The following RORC variants were observed in gnomAD, a reference collection of about 807,000 sequenced individuals.
RORC encodes the protein RAR related orphan receptor C, also known as nuclear receptor ROR-gamma.
A neutral mutation model predicts 64.5 loss-of-function variants in RORC; 13 were observed. That is an observed-to-expected ratio of 0.20 (90% CI 0.13 to 0.32). The LOEUF (loss-of-function observed/expected upper bound fraction) is 0.32, where lower values mean the gene tolerates loss of function less well. Ranked by LOEUF, RORC falls within the 10% of genes least tolerant of loss-of-function variation. The pLI, the probability that RORC is intolerant of heterozygous loss-of-function variation, is 1.00. For missense variants in RORC, 468 were observed against 669.5 expected (o/e 0.70, Z 3.32); for synonymous variants, 277 against 259.3 (o/e 1.07, Z -0.65).
intron 2 of RORC, chr1:151,826,067 C>T (rs201215365): frequency 1.5e-5 from 23 of 1,528,592 alleles, no homozygotes; most frequent in Middle Eastern, 1.9e-4. Context: ...AAGCTCTGCA[C>T]CTAGCTCTCT....
At chr1:151,828,978 CAAAA>C (rs371746426) in intron 2 of RORC, among the ~76,000 whole-genome samples, 181 of 130,722 alleles carry the variant, frequency 1.4e-3, no homozygotes, top group Non-Finnish European at 1.5e-3. Context: ...GACTCTGTCT[CAAAA>C]AAAAAAAAAA....
chr1:151,820,452 CCAT>C (rs1651944828), intron 2 of RORC, among the ~76,000 whole-genome samples: 1 of 152,052 alleles, frequency 6.6e-6, no homozygotes, highest in Non-Finnish European at 1.5e-5. Context: ...CAGGAACTTA[CCAT>C]CTAAGGGCCT....
At chr1:151,815,991 C>T (rs967468986) in intron 4 of RORC, among the ~76,000 whole-genome samples, 4 of 152,224 alleles carry the variant, frequency 2.6e-5, no homozygotes, top group Non-Finnish European at 5.9e-5. Context: ...CACAGCCCCT[C>T]GCCCCGCCTG....
intron 2 of RORC, among the ~76,000 whole-genome samples, chr1:151,820,649 A>T (rs1465322665): frequency 1.3e-5 from 2 of 152,116 alleles, no homozygotes; most frequent in Non-Finnish European, 2.9e-5. Flanking sequence ...AGAAAACTCC[A>T]ATTCCACATC....
chr1:151,815,361 C>T lies in RORC; in HGVS notation c.363G>A (p.Gln121=), dbSNP rs1181602619. 6.3e-7 allele frequency: 1 copy of T among 1,579,276 alleles called. No individual in the cohort carries two copies. Among genetic ancestry groups the T allele is most frequent in the African/African-American group, 1.4e-5 (1 of 73,468 alleles). Residue 121 remains glutamine (Q), a synonymous_variant, in exon 5 of 11, where the codon CAG becomes CAA. Coordinates refer to ENST00000318247, the MANE Select transcript of RORC (RefSeq NM_005060.4). ...RDSLHAEVQK[Q]LQQRQQQQQE... ...GTTGCTGCTGTTGCCGCTGCTGCAG[C>T]TGTTTCTGCACTTCTGCATGCAGGC... is the stretch of plus-strand genomic sequence containing the variant.
chr1:151,820,623 G>C (rs1209783308), intron 2 of RORC, among the ~76,000 whole-genome samples: 1 of 152,172 alleles, frequency 6.6e-6, no homozygotes, highest in Non-Finnish European at 1.5e-5. Flanking sequence ...TCTCCTGAGA[G>C]AGAGCTTTCT....
intron 9 of RORC, 151 bp from the exon 10 acceptor site, chr1:151,811,585 G>A: frequency 4.0e-6 from 2 of 506,080 alleles, no homozygotes; most frequent in Admixed American, 3.2e-5. Flanking sequence ...ATAATGGTAA[G>A]CTCTGGACGT....
At chr1:151,813,194 G>A (rs201273130) in intron 8 of RORC, 45 bp downstream of exon 8, 366 of 1,567,188 alleles carry the variant, frequency 2.3e-4, no homozygotes, top group Non-Finnish European at 2.6e-4. Flanking sequence ...GCTTTGCCTG[G>A]GGTTGGCATC....
chr1:151,810,006 C>T (rs915141065), intron 10 of RORC, among the ~76,000 whole-genome samples: 2 of 152,146 alleles, frequency 1.3e-5, no homozygotes, highest in African/African-American at 4.8e-5. Flanking sequence ...TGCTCTTCTG[C>T]CCCACCAGTC....
At chr1:151,813,653 C>T (rs758525546) in intron 6 of RORC, 33 bp from the exon 7 acceptor site, 2 of 1,611,588 alleles carry the variant, frequency 1.2e-6, no homozygotes, top group East Asian at 2.2e-5. Context: ...CGCTGTAGCG[C>T]TCTGTGTGGC....
chr1:151,809,181 C>T (rs1367090878), intron 10 of RORC, among the ~76,000 whole-genome samples: 1 of 152,054 alleles, frequency 6.6e-6, no homozygotes, highest in Non-Finnish European at 1.5e-5. Flanking sequence ...GGCAGATCAC[C>T]TGAGGTCAGG....
intron 5 of RORC, 93 bp downstream of exon 5, chr1:151,814,820 C>T (rs1651692034): frequency 1.9e-6 from 3 of 1,549,194 alleles, no homozygotes; most frequent in East Asian, 2.3e-5. Context: ...CTGGACCCCT[C>T]AATTCCCTCA....
intron 2 of RORC, among the ~76,000 whole-genome samples, chr1:151,823,022 T>C (rs889199586): frequency 2.6e-5 from 4 of 152,106 alleles, no homozygotes; most frequent in Non-Finnish European, 5.9e-5. Context: ...ATTTTCATTG[T>C]GCTGGGACAA....
Position 151,826,145 on chromosome 1 carries a change from AC to A in RORC, c.70+3283del, listed in dbSNP as rs1003584357. 8 of 1,248,592 alleles carry A rather than the reference AC, an allele frequency of 6.4e-6. No individual in the cohort carries two copies. In the African/African-American group the frequency reaches 1.2e-4, roughly 19 times the overall value. 77.3% of individuals were successfully genotyped at this position (1,248,592 alleles called of 1,614,324 possible). ...ACAGGTGGCCAAGTGACAACCCCCC[AC>A]CCCACCCCCAAGGGGTGCAGTGAGT... On this transcript the variant is annotated intron_variant, in intron 2 of 10. Coordinates refer to ENST00000318247, the MANE Select transcript of RORC (RefSeq NM_005060.4).
At chr1:151,823,852 C>T (rs1045901506) in intron 2 of RORC, among the ~76,000 whole-genome samples, 1 of 152,158 alleles carries the variant, frequency 6.6e-6, no homozygotes, top group African/African-American at 2.4e-5. Flanking sequence ...ACTTTGTTGC[C>T]CAGGCTGGTC....
In RORC at chr1:151,813,343, G is replaced by A. The variant is rs139551639; in HGVS notation, c.1070C>T (p.Ala357Val). Residue 357 changes from alanine (A) to valine (V), a missense_variant, in exon 8 of 11, where the codon GCA (alanine) becomes GTA (valine). Coordinates refer to ENST00000318247, the MANE Select transcript of RORC (RefSeq NM_005060.4). ...NDQIVLLKAG[A>V]MEVVLVRMCR... ...CATCCTAACCAGCACCACTTCCATT[G>A]CTCCTGGGCAGTGGGGAGAGAAGAT... 1.0e-4 allele frequency: 163 copies of A among 1,613,932 alleles called. No individual in the cohort carries two copies. In the African/African-American group the frequency reaches 2.0e-3, roughly 20 times the overall value.
chr1:151,824,140 C>T (rs143581994), intron 2 of RORC, among the ~76,000 whole-genome samples: 58 of 152,288 alleles, frequency 3.8e-4, no homozygotes, highest in African/African-American at 1.3e-3. Context: ...CTTTTGCCAT[C>T]GGCGGTTGGA....
Position 151,815,437 on chromosome 1 carries a change from C to A in RORC, c.299-12G>T. The stretch of plus-strand genomic sequence containing the variant: ...GCCGAACTTGACAGCTGAAAGAGGT[C>A]CAGGGACCAGGGGTTTATGAGGCAG... On this transcript the variant is annotated splice_polypyrimidine_tract_variant and intron_variant, in intron 4 of 10. Coordinates refer to ENST00000318247, the MANE Select transcript of RORC (RefSeq NM_005060.4). The A allele has an allele frequency of 6.6e-7, 1 of 1,522,290 alleles. No individual in the cohort carries two copies. Among genetic ancestry groups the A allele is most frequent in the Non-Finnish European group, 8.8e-7 (1 of 1,135,096 alleles). The allele number at this position is 1,522,290 out of a possible 1,614,324, so 94.3% of individuals were successfully genotyped here. A position where few individuals can be genotyped will look rare whatever the true frequency, so the allele number is the denominator to read the frequency against.
chr1:151,829,435 G>A lies in RORC; in HGVS notation c.64C>T (p.His22Tyr), dbSNP rs887739679. ...SRELLAAKKT[H>Y]TSQIEVIPCK... is the part of the protein sequence containing the mutation. ...CCCCGGACCCCCTACTCACAGGTGT[G>A]GGTCTTCTTTGCAGCCAGCAGCTCT... Residue 22 changes from histidine (H) to tyrosine (Y), a missense_variant, in exon 2 of 11, where the codon CAC becomes TAC. Physicochemically the swap from His to Tyr is moderately conservative, Grantham distance 83 (BLOSUM62 2). This residue lies in a region of RORC where 13 missense variants were observed against 46.0 expected (regional missense o/e 0.28). Coordinates refer to ENST00000318247, the MANE Select transcript of RORC (RefSeq NM_005060.4). The A allele has an allele frequency of 7.8e-6, 12 of 1,536,850 alleles. No homozygotes were observed. The Admixed American group carries it at 2.1e-4, about 26-fold the overall frequency.
Sources: allele counts gnomAD v4.1 joint callset (sites outside exome capture counted in the v4.1 genomes callset), GRCh38; gene constraint gnomAD v4.1.1; regional missense constraint gnomAD v4.1.1; transcripts MANE v1.5; gene names NCBI Gene and HGNC (gene_info 2026-07-23, HGNC 2026-07-21).